The following CLEC2L variants were observed in gnomAD, a reference collection of about 807,000 sequenced individuals.
The protein encoded by CLEC2L is C-type lectin domain family 2 member L.
Under a neutral mutation model 23.6 loss-of-function variants are expected in CLEC2L, and 14 were observed. The ratio of observed to expected loss-of-function variants is 0.59; its 90% CI spans 0.39 to 0.93. The LOEUF (loss-of-function observed/expected upper bound fraction) is 0.93. CLEC2L is among the 40% of genes least tolerant of loss of function. The probability of loss-of-function intolerance (pLI) is 0.00; values close to 1 mark genes in which losing one functional copy is unlikely to be tolerated. For synonymous variants in CLEC2L, 114 were observed against 121.3 expected, an observed-to-expected ratio of 0.94 and a Z score of 0.40; for missense variants, 264 against 282.4, an observed-to-expected ratio of 0.93 and a Z score of 0.47.
At chr7:139,541,040 ACT>A (rs950542109) in intron 3 of CLEC2L, among the ~76,000 whole-genome samples, 6 of 151,950 alleles carry the variant, frequency 3.9e-5, no homozygotes, top group African/African-American at 1.5e-4. Context: ...AGACAGTCTC[ACT>A]CTGTCGCCCT....
In CLEC2L at chr7:139,540,349, G is replaced by A. The variant is rs764309836; in HGVS notation, c.294G>A (p.Ala98=). 1.9e-5 allele frequency: 30 copies of A among 1,611,154 alleles called. No individual in the cohort carries two copies. The Admixed American group carries it at 3.5e-4, about 19-fold the overall frequency. Residue 98 remains alanine (A), a synonymous_variant, in exon 3 of 5, where the codon GCG becomes GCA. Coordinates refer to ENST00000422142, the MANE Select transcript of CLEC2L (RefSeq NM_001080511.4). This position sits in a 1 kb window ranked among gnomAD's most constrained non-coding sequence, Gnocchi z 5.8. The part of the protein sequence containing the change: ...LASKGCIKCE[A]PCPEDWLLYG... ...CCAAGGGCTGCATCAAGTGCGAAGCGCCCTGCCCGGAGGACTGGCTGCTCT... is the reference window on the plus strand; with the variant it reads ...CCAAGGGCTGCATCAAGTGCGAAGCACCCTGCCCGGAGGACTGGCTGCTCT...
chr7:139,525,517 TTG>T (rs76098718), intron 1 of CLEC2L, among the ~76,000 whole-genome samples: 5,774 of 151,206 alleles, frequency 0.038, 160 homozygotes, highest in South Asian at 0.11. Context: ...TTGTGAAGAG[TTG>T]TGTGGAATGG....
At chr7:139,542,188 C>A in intron 4 of CLEC2L, 67 bp downstream of exon 4, 2 of 1,057,722 alleles carry the variant, frequency 1.9e-6, no homozygotes, top group Non-Finnish European at 2.8e-6. Context: ...ACCCCCTGGA[C>A]ACAACTCCCG....
intron 1 of CLEC2L, among the ~76,000 whole-genome samples, chr7:139,530,904 G>A (rs1368351238): frequency 2.6e-5 from 4 of 151,900 alleles, no homozygotes; most frequent in African/African-American, 4.8e-5. Context: ...TGAATGCTGA[G>A]GACAGCATCC....
chr7:139,544,339 T>C lies in CLEC2L; in HGVS notation c.642T>C (p.Thr214=). The part of the protein sequence containing the change: ...RPWVCSKMAY[T] ...GGGTGTGCAGCAAGATGGCCTATAC[T>C]TGAGGTGGGTGGGGCCAGAGGTGGC... The change falls in exon 5 of 5, where the codon ACT becomes ACC. Residue 214 remains threonine (T), a synonymous_variant. Coordinates refer to ENST00000422142, the MANE Select transcript of CLEC2L (RefSeq NM_001080511.4). 2 of 1,607,028 alleles carry C rather than the reference T, an allele frequency of 1.2e-6. No homozygotes were observed. The highest frequency in any genetic ancestry group is 1.7e-6 in the Non-Finnish European group (2 of 1,175,390).
At chr7:139,538,312 A>G (rs1041544043) in intron 2 of CLEC2L, among the ~76,000 whole-genome samples, 11 of 151,258 alleles carry the variant, frequency 7.3e-5, no homozygotes, top group Admixed American at 5.9e-4. Flanking sequence ...GTGTACCTGT[A>G]GTCCCAGCTA....
At position 139,536,307 on chromosome 7, in the gene CLEC2L, C is replaced by T. The variant is rs749482900; in HGVS notation, c.224C>T (p.Ala75Val). 2.6e-5 allele frequency: 40 copies of T among 1,551,362 alleles called. No individual in the cohort carries two copies. Among genetic ancestry groups the T allele is most frequent in the South Asian group, 1.3e-4 (11 of 84,050 alleles). Residue 75 changes from alanine (A) to valine (V), a missense_variant, in exon 2 of 5, where the codon GCG becomes GTG. Ala to Val is a moderately conservative substitution (Grantham distance 64). Coordinates refer to ENST00000422142, the MANE Select transcript of CLEC2L (RefSeq NM_001080511.4). ...TTTRLLLGAIAVLLFAILVVM... is the reference protein window; with the variant it reads ...TTTRLLLGAIVVLLFAILVVM... ...ACACGCCTCCTGCTGGGTGCCATCGCGGTCCTTCTGTTCGCCATCTTGGTG... is the reference window on the plus strand; with the variant it reads ...ACACGCCTCCTGCTGGGTGCCATCGTGGTCCTTCTGTTCGCCATCTTGGTG...
intron 2 of CLEC2L, 62 bp downstream of exon 2, chr7:139,536,410 C>T: frequency 7.2e-7 from 1 of 1,387,072 alleles, no homozygotes; most frequent in Non-Finnish European, 1.0e-6. Context: ...AAAAGCACGT[C>T]TAATTAGTTA....
At chr7:139,543,597 G>A (rs188394780) in intron 4 of CLEC2L, among the ~76,000 whole-genome samples, 1 of 152,256 alleles carries the variant, frequency 6.6e-6, no homozygotes, top group Admixed American at 6.5e-5. Context: ...GAGGTAGGGG[G>A]GAATCCTCCC....
Position 139,540,453 on chromosome 7 carries a change from C to T in CLEC2L, c.398C>T (p.Ala133Val), listed in dbSNP as rs367894516. The change falls in exon 3 of 5, where the codon GCG becomes GTG. Residue 133 changes from alanine to valine, a missense_variant. Coordinates refer to ENST00000422142, the MANE Select transcript of CLEC2L (RefSeq NM_001080511.4). This position sits in a 1 kb window ranked among gnomAD's most constrained non-coding sequence, Gnocchi z 5.8. Reference sequence around the variant, plus strand: ...AGGCAGTACTGCCACACCCACGAGGCGGTGCTGGCTGTGATTCAGAGCCAG... The same window carrying T: ...AGGCAGTACTGCCACACCCACGAGGTGGTGCTGGCTGTGATTCAGAGCCAG... The part of the protein sequence containing the change: ...TGRQYCHTHE[A>V]VLAVIQSQKE... 2.5e-5 allele frequency: 40 copies of T among 1,600,594 alleles called. No individual in the cohort carries two copies. The highest frequency in any genetic ancestry group is 3.4e-5 in the Admixed American group (2 of 58,068).
chr7:139,540,526 C>T lies in CLEC2L; in HGVS notation c.432+39C>T. On this transcript the variant is annotated intron_variant, in intron 3 of 4. Transcript: ENST00000422142. The surrounding 1 kb of genome is among the most constrained non-coding windows in gnomAD (Gnocchi z 5.8). ...GGTGAAGGGGGTTGGGGGAAGGGACCCTCAGGGCCCCCAACCTTGACTCTA... is the reference window on the plus strand; with the variant it reads ...GGTGAAGGGGGTTGGGGGAAGGGACTCTCAGGGCCCCCAACCTTGACTCTA... 1 of 1,556,556 alleles carries T rather than the reference C, an allele frequency of 6.4e-7. No homozygotes were observed. The highest frequency in any genetic ancestry group is 8.7e-7 in the Non-Finnish European group (1 of 1,150,576).
At chr7:139,529,576 G>T (rs1797550776) in intron 1 of CLEC2L, among the ~76,000 whole-genome samples, 1 of 152,204 alleles carries the variant, frequency 6.6e-6, no homozygotes. Flanking sequence ...AGCATGAACA[G>T]AGAGAGCCCA....
At chr7:139,529,598 C>T (rs999888237) in intron 1 of CLEC2L, among the ~76,000 whole-genome samples, 3 of 152,224 alleles carry the variant, frequency 2.0e-5, no homozygotes, top group African/African-American at 2.4e-5. Context: ...TCCTCCAGTG[C>T]AGGCTGAAAC....
chr7:139,535,079 A>G (rs1797634476), intron 1 of CLEC2L, among the ~76,000 whole-genome samples: 1 of 152,190 alleles, frequency 6.6e-6, no homozygotes, highest in Admixed American at 6.5e-5. Context: ...ATACTCATAC[A>G]CCATGTTCAT....
Position 139,523,933 on chromosome 7 carries a change from G to A in CLEC2L, c.6G>A (p.Glu2=), listed in dbSNP as rs1797466441. The change falls in exon 1 of 5, where the codon GAG becomes GAA. Residue 2 remains glutamate, a synonymous_variant. Coordinates refer to ENST00000422142, the MANE Select transcript of CLEC2L (RefSeq NM_001080511.4). This position sits in a 1 kb window ranked among gnomAD's most constrained non-coding sequence, Gnocchi z 4.1. The part of the protein sequence containing the change: M[E]PAREPPSRAR... The stretch of plus-strand genomic sequence containing the variant: ...GGCGCGGCGGAGCGCCCCGCATGGA[G>A]CCGGCCCGGGAGCCCCCCTCGCGGG... 2.0e-6 allele frequency: 2 copies of A among 976,264 alleles called. No individual in the cohort carries two copies. The highest frequency in any genetic ancestry group is 1.8e-5 in the African/African-American group (1 of 56,366). 60.5% of individuals were successfully genotyped at this position (976,264 alleles called of 1,614,324 possible). A position where few individuals can be genotyped will look rare whatever the true frequency, so the allele number is the denominator to read the frequency against.
chr7:139,531,341 G>C (rs7802583), intron 1 of CLEC2L, among the ~76,000 whole-genome samples: 9,846 of 152,206 alleles, frequency 0.065, 533 homozygotes, highest in African/African-American at 0.14. Context: ...TTCTTTAAGA[G>C]GGGGTATTCA....
intron 1 of CLEC2L, among the ~76,000 whole-genome samples, chr7:139,527,486 C>G (rs1270022863): frequency 3.3e-5 from 5 of 152,214 alleles, no homozygotes; most frequent in Non-Finnish European, 7.3e-5. Flanking sequence ...AGATGAATAA[C>G]TAGCTTTATA....
rs2116332425 is a variant in CLEC2L at position 139,544,353 on chromosome 7, G to A, written c.*11G>A. ...ATGGCCTATACTTGAGGTGGGTGGGGCCAGAGGTGGCCCCGCCCCTAGGCC... is the reference window on the plus strand; with the variant it reads ...ATGGCCTATACTTGAGGTGGGTGGGACCAGAGGTGGCCCCGCCCCTAGGCC... On this transcript the variant is annotated 3_prime_UTR_variant, in exon 5 of 5. Transcript: ENST00000422142. 6.3e-7 allele frequency: 1 copy of A among 1,574,956 alleles called. No individual in the cohort carries two copies.
Position 139,538,539 on chromosome 7 carries a change from G to C in CLEC2L, c.266-1782G>C, listed in dbSNP as rs538503898. On this transcript the variant is annotated intron_variant, in intron 2 of 4. Coordinates refer to ENST00000422142, the MANE Select transcript of CLEC2L (RefSeq NM_001080511.4). ...CCAGGTGGGTGGATCACAAGGTCAG[G>C]AGTTCGAGACCAGCCTGGCCAATAT... 3.3e-5 allele frequency among the ~76,000 whole-genome samples: 5 copies of C among 151,814 alleles called. No homozygotes were observed. The South Asian group carries it at 6.2e-4, about 19-fold the overall frequency.
Sources: gnomAD v4.1 joint callset for allele counts (sites outside exome capture counted in the v4.1 genomes callset) on GRCh38, gnomAD v4.1.1 for gene constraint, Gnocchi (gnomAD v3.1) non-coding constraint, MANE v1.5 for transcripts, NCBI Gene and HGNC (gene_info 2026-07-23, HGNC 2026-07-21) for gene names.